SPTA1: variants seen among roughly 807,000 people sequenced by gnomAD.
SPTA1 encodes the protein spectrin alpha, erythrocytic 1, also known as spectrin alpha chain, erythrocytic 1.
SPTA1 carries 177 observed loss-of-function variants against 324.7 expected under a neutral mutation model. The ratio of observed to expected loss-of-function variants is 0.55; its 90% CI spans 0.48 to 0.62. The LOEUF (loss-of-function observed/expected upper bound fraction) is 0.62, where lower values mean the gene tolerates loss of function less well. SPTA1 is among the 20% of genes least tolerant of loss of function. The pLI is 0.00. For synonymous variants in SPTA1, 1,195 were observed against 1,041.3 expected (o/e 1.15, Z -2.84); for missense variants, 3,162 against 2,883.6 (o/e 1.10, Z -2.21).
intron 36 of SPTA1, among the ~76,000 whole-genome samples, chr1:158,637,720 G>A (rs1003546203): frequency 1.8e-4 from 28 of 152,234 alleles, no homozygotes; most frequent in African/African-American, 6.7e-4. Context: ...CTGTGTAAAT[G>A]TCCAGGTGTC....
At chr1:158,611,595 A>G (rs534875195) in intron 51 of SPTA1, 8 of 523,042 alleles carry the variant, frequency 1.5e-5, no homozygotes, top group Non-Finnish European at 2.7e-5. Flanking sequence ...TTCTTGAAAA[A>G]GAGAGCTTAC....
At chr1:158,622,542 G>C (rs560028372) in intron 43 of SPTA1, among the ~76,000 whole-genome samples, 1 of 152,116 alleles carries the variant, frequency 6.6e-6, no homozygotes, top group East Asian at 1.9e-4. Context: ...GGGATATCAA[G>C]GTTTAGAGAT....
rs761018719 is a variant in SPTA1 at position 158,647,695 on chromosome 1, T to C, written c.3740A>G (p.Glu1247Gly). Reference sequence around the variant, plus strand: ...ATCTGGATGGGACTCACTGAGCCGCTCTGCTGTCTCCCCCAGTATGGTCAC... The same window carrying C: ...ATCTGGATGGGACTCACTGAGCCGCCCTGCTGTCTCCCCCAGTATGGTCAC... ...DKVTILGETAERLSESHPDAT... is the reference protein window; with the variant it reads ...DKVTILGETAGRLSESHPDAT... The change falls in exon 27 of 52, where the codon GAG (glutamate) becomes GGG (glycine). Residue 1247 changes from glutamate (E) to glycine (G), a missense_variant. Coordinates refer to ENST00000643759, the MANE Select transcript of SPTA1 (RefSeq NM_003126.4). 40 of 1,613,792 alleles carry C rather than the reference T, an allele frequency of 2.5e-5. 1 individual carries two copies. The South Asian group carries it at 4.3e-4, about 17-fold the overall frequency.
intron 17 of SPTA1, 31 bp downstream of exon 17, chr1:158,662,671 T>C (rs1653311946): frequency 6.2e-7 from 1 of 1,613,122 alleles, no homozygotes; most frequent in Non-Finnish European, 8.5e-7. Flanking sequence ...GGTCCTTTCC[T>C]AGTGGCTCAG....
chr1:158,627,471 C>T (rs552525623), intron 40 of SPTA1, among the ~76,000 whole-genome samples, 154 bp downstream of exon 40: 2 of 152,256 alleles, frequency 1.3e-5, no homozygotes, highest in East Asian at 3.9e-4. Flanking sequence ...TATTTGCTAA[C>T]CACAACAACA....
At chr1:158,638,798 A>G (rs1571418374) in intron 35 of SPTA1, among the ~76,000 whole-genome samples, 2 of 149,954 alleles carry the variant, frequency 1.3e-5, no homozygotes, top group East Asian at 4.0e-4. Context: ...ATTCGTTCCC[A>G]TACAAGACTG....
intron 24 of SPTA1, among the ~76,000 whole-genome samples, chr1:158,650,287 A>G (rs1209039882): frequency 1.3e-5 from 2 of 152,212 alleles, no homozygotes; most frequent in Non-Finnish European, 2.9e-5. Flanking sequence ...TCTCTAAGAC[A>G]AACAATTCTG....
chr1:158,633,297 T>G (rs1650809842), intron 39 of SPTA1, among the ~76,000 whole-genome samples: 1 of 152,184 alleles, frequency 6.6e-6, no homozygotes, highest in African/African-American at 2.4e-5. Flanking sequence ...TCTGGATGTT[T>G]CCATTAGAGA....
In SPTA1 at chr1:158,669,399, T is replaced by C. The variant is rs771184784; in HGVS notation, c.1833+9A>G. 1 of 1,614,112 alleles carries C rather than the reference T, an allele frequency of 6.2e-7. No homozygotes were observed. Among genetic ancestry groups the C allele is most frequent in the Non-Finnish European group, 8.5e-7 (1 of 1,179,962 alleles). ...ATAACTACATCCAGCTCCTGAAAAC[T>C]CTGCCTACCTTGTAATCTTCATCAT... is the stretch of plus-strand genomic sequence containing the variant. On this transcript the variant is annotated intron_variant, in intron 14 of 51. Coordinates refer to ENST00000643759, the MANE Select transcript of SPTA1 (RefSeq NM_003126.4).
chr1:158,669,305 G>C, intron 14 of SPTA1, 103 bp downstream of exon 14: 1 of 1,488,036 alleles, frequency 6.7e-7, no homozygotes, highest in South Asian at 1.1e-5. Flanking sequence ...TCTATAAAAT[G>C]AGGATCACCA....
chr1:158,657,459 A>AT lies in SPTA1; in HGVS notation c.2805+17_2805+18insA. The AT allele has an allele frequency of 6.3e-7, 1 of 1,592,148 alleles. No homozygotes were observed. The highest frequency in any genetic ancestry group is 8.6e-7 in the Non-Finnish European group (1 of 1,165,146). On this transcript the variant is annotated intron_variant, in intron 19 of 51. Transcript: ENST00000643759. Reference sequence around the variant, plus strand: ...CGTTTGTTGAGGATTCACAATGTTAAACCCACCCCCACCTTACCCCAGCTG... The same window carrying AT: ...CGTTTGTTGAGGATTCACAATGTTAATACCCACCCCCACCTTACCCCAGCTG...
intron 11 of SPTA1, among the ~76,000 whole-genome samples, chr1:158,671,787 C>T (rs943189298): frequency 6.6e-6 from 1 of 152,160 alleles, no homozygotes; most frequent in African/African-American, 2.4e-5. Flanking sequence ...CTCTTCCTGA[C>T]CCTTTACCAA....
At chr1:158,657,916 G>A (rs1432319265) in intron 18 of SPTA1, among the ~76,000 whole-genome samples, 1 of 152,160 alleles carries the variant, frequency 6.6e-6, no homozygotes, top group Non-Finnish European at 1.5e-5. Flanking sequence ...GAATGGGTTG[G>A]TATTGTCTGA....
chr1:158,681,407 A>C, intron 4 of SPTA1, 120 bp downstream of exon 4: 1 of 1,530,968 alleles, frequency 6.5e-7, no homozygotes, highest in South Asian at 1.1e-5. Context: ...CTTGTTCCAA[A>C]GAACAAAGCC....
intron 38 of SPTA1, among the ~76,000 whole-genome samples, chr1:158,635,608 A>G (rs1044949664): frequency 5.3e-5 from 8 of 152,244 alleles, no homozygotes; most frequent in South Asian, 4.1e-4. Flanking sequence ...TGGGAGATAA[A>G]GCAGAACAGA....
intron 16 of SPTA1, 47 bp downstream of exon 16, chr1:158,666,269 G>A (rs1003787081): frequency 3.1e-6 from 5 of 1,599,692 alleles, no homozygotes; most frequent in Non-Finnish European, 4.3e-6. Flanking sequence ...TGTGCTCAGA[G>A]CATATACACC....
chr1:158,666,616 T>C (rs1333258978), intron 15 of SPTA1, 119 bp from the exon 16 acceptor site: 1 of 903,240 alleles, frequency 1.1e-6, no homozygotes, highest in African/African-American at 1.7e-5. Context: ...AAGAGGGAAA[T>C]ATAACTGTCT....
chr1:158,629,136 TGATAGATA>T (rs141591922), intron 39 of SPTA1, among the ~76,000 whole-genome samples: 2 of 150,538 alleles, frequency 1.3e-5, no homozygotes, highest in South Asian at 2.1e-4. Context: ...GATAGATAGA[TGATAGATA>T]GATAGATAGA....
rs199604294 is a variant in SPTA1, at chr1:158,671,452, G to T, written c.1490C>A (p.Ala497Asp). 4.3e-5 allele frequency: 70 copies of T among 1,611,836 alleles called. 1 individual carries two copies. The African/African-American group carries it at 7.6e-4, about 18-fold the overall frequency. Residue 497 changes from alanine to aspartate, a missense_variant and splice_region_variant, in exon 12 of 52, where the codon GCC (alanine) becomes GAC (aspartate). By Grantham distance (126) the Ala-to-Asp change is moderately radical. Transcript: ENST00000643759. ...TCCCAGATCCTCGTTTTCCAGGAAG[G>T]CCTGTAGAAGACAGAAAGACACACC... ...QVDSWMSRQE[A>D]FLENEDLGNS...
Sources: gnomAD v4.1 joint callset for allele counts (sites outside exome capture counted in the v4.1 genomes callset) on GRCh38, gnomAD v4.1.1 for gene constraint, MANE v1.5 for transcripts, NCBI Gene and HGNC (gene_info 2026-07-23, HGNC 2026-07-21) for gene names.